CXCL13: variants seen among roughly 807,000 people sequenced by gnomAD.
CXCL13 encodes the protein C-X-C motif chemokine ligand 13.
In CXCL13, 7 loss-of-function variants were observed where a neutral mutation model predicts 12.2. The ratio of observed to expected loss-of-function variants is 0.57; its 90% CI spans 0.33 to 1.07. The LOEUF (loss-of-function observed/expected upper bound fraction) is 1.07, where lower values mean the gene tolerates loss of function less well. CXCL13 is among the 50% of genes least tolerant of loss of function. The probability of loss-of-function intolerance (pLI) is 0.04; values close to 1 mark genes in which losing one functional copy is unlikely to be tolerated. For synonymous variants in CXCL13, 47 were observed against 42.4 expected, an observed-to-expected ratio of 1.11 and a Z score of -0.42; for missense variants, 113 against 127.4, an observed-to-expected ratio of 0.89 and a Z score of 0.55.
intron 1 of CXCL13, among the ~76,000 whole-genome samples, chr4:77,547,476 C>T (rs1422737896): frequency 6.6e-6 from 1 of 152,162 alleles, no homozygotes; most frequent in East Asian, 1.9e-4. Flanking sequence ...GGTCCCTTTA[C>T]CATTATGTAA....
intron 1 of CXCL13, among the ~76,000 whole-genome samples, chr4:77,531,324 T>G (rs1210505728): frequency 7.4e-6 from 1 of 134,806 alleles, no homozygotes; most frequent in African/African-American, 2.8e-5. Flanking sequence ...CCTTCCTGTG[T>G]CCATGTGTTC....
chr4:77,556,898 AT>A (rs1725672060), intron 1 of CXCL13, among the ~76,000 whole-genome samples: 2 of 152,100 alleles, frequency 1.3e-5, no homozygotes, highest in African/African-American at 4.8e-5. Context: ...ACACACCTGT[AT>A]TCCCAGCCAC....
rs183981814 is a variant in CXCL13 at position 77,542,178 on chromosome 4, T to A, written c.-43+30390T>A. 9.7e-4 allele frequency among the ~76,000 whole-genome samples: 147 copies of A among 152,264 alleles called. 3 individuals are homozygous for A. In the South Asian group the frequency reaches 0.029, roughly 30 times the overall value. ...GAAGACAGATAGTTTGACTTCTTCT[T>A]TTCCTGTTTAGATGGCTTACATTTT... On this transcript the variant is annotated intron_variant, in intron 1 of 4. Transcript: ENST00000286758.
intron 1 of CXCL13, among the ~76,000 whole-genome samples, chr4:77,512,906 C>G (rs1047406848): frequency 3.3e-5 from 5 of 152,100 alleles, no homozygotes; most frequent in Non-Finnish European, 7.4e-5. Flanking sequence ...TTAGGTATTT[C>G]TCCTAATGCT....
intron 1 of CXCL13, among the ~76,000 whole-genome samples, chr4:77,561,688 T>C (rs980132610): frequency 2.0e-5 from 3 of 152,200 alleles, no homozygotes; most frequent in Admixed American, 6.5e-5. Flanking sequence ...GGACTGGTCC[T>C]TGCCTCCCCT....
At chr4:77,531,070 T>C (rs1560516806) in intron 1 of CXCL13, among the ~76,000 whole-genome samples, 1 of 150,584 alleles carries the variant, frequency 6.6e-6, no homozygotes, top group Non-Finnish European at 1.5e-5. Context: ...TCAGTTTCCA[T>C]GTATTTGAGT....
In CXCL13 at chr4:77,554,098, C is replaced by T. The variant is rs577745617; in HGVS notation, c.-43+42310C>T. On this transcript the variant is annotated intron_variant, in intron 1 of 4. Transcript: ENST00000286758. The stretch of plus-strand genomic sequence containing the variant: ...AATAAAATTTATTTTTTTAAAGAAA[C>T]CAACCAGAACAGTTCCCCAGATTTA... 2.6e-4 allele frequency among the ~76,000 whole-genome samples: 40 copies of T among 152,068 alleles called. No homozygotes were observed. In the South Asian group the frequency reaches 2.9e-3, roughly 11 times the overall value.
chr4:77,584,057 G>T (rs909753419), intron 1 of CXCL13, among the ~76,000 whole-genome samples: 1 of 152,202 alleles, frequency 6.6e-6, no homozygotes, highest in Non-Finnish European at 1.5e-5. Context: ...TCTCAAAAAT[G>T]AAGGGGCAAC....
chr4:77,532,558 C>G (rs913762975), intron 1 of CXCL13, among the ~76,000 whole-genome samples: 2 of 152,050 alleles, frequency 1.3e-5, no homozygotes, highest in African/African-American at 4.8e-5. Flanking sequence ...ATCTTTGTGG[C>G]GTTCTCCGTA....
At chr4:77,552,702 T>C (rs1198752653) in intron 1 of CXCL13, among the ~76,000 whole-genome samples, 3 of 152,326 alleles carry the variant, frequency 2.0e-5, no homozygotes, top group Non-Finnish European at 2.9e-5. Flanking sequence ...CTCAGAGATA[T>C]GCCTAGGCAT....
At chr4:77,526,062 G>A (rs1004614854) in intron 1 of CXCL13, among the ~76,000 whole-genome samples, 1 of 151,974 alleles carries the variant, frequency 6.6e-6, no homozygotes, top group Non-Finnish European at 1.5e-5. Context: ...GGTTTCTAGA[G>A]GTATCACTGT....
intron 1 of CXCL13, among the ~76,000 whole-genome samples, chr4:77,517,967 A>C (rs760491195): frequency 6.6e-6 from 1 of 152,132 alleles, no homozygotes; most frequent in Non-Finnish European, 1.5e-5. Context: ...TTCCACGTTT[A>C]GTGCTTCCTT....
intron 1 of CXCL13, among the ~76,000 whole-genome samples, chr4:77,570,966 G>A (rs1726061321): frequency 6.6e-6 from 1 of 152,022 alleles, no homozygotes; most frequent in African/African-American, 2.4e-5. Context: ...GGGTTCCTGT[G>A]CAGCCCGAGA....
intron 1 of CXCL13, among the ~76,000 whole-genome samples, chr4:77,558,708 G>A (rs1475231177): frequency 2.6e-5 from 4 of 152,120 alleles, no homozygotes; most frequent in Non-Finnish European, 4.4e-5. Flanking sequence ...GATATGGGGG[G>A]CATCAACTGC....
chr4:77,585,431 G>A lies in CXCL13; in HGVS notation c.-42-20393G>A, dbSNP rs1179543156. ...TTGGCTGCCATTTACTGTCCAGAAA[G>A]CTGCACTACTGATTCCTAAACGTCC... On this transcript the variant is annotated intron_variant, in intron 1 of 4. Coordinates refer to the CXCL13 transcript ENST00000286758. 2.6e-5 allele frequency among the ~76,000 whole-genome samples: 4 copies of A among 152,210 alleles called. 1 individual carries two copies. The highest frequency in any genetic ancestry group is 2.6e-4 in the Admixed American group (4 of 15,276).
chr4:77,529,944 C>T (rs1020173536), intron 1 of CXCL13, among the ~76,000 whole-genome samples: 12 of 152,282 alleles, frequency 7.9e-5, no homozygotes, highest in Middle Eastern at 3.4e-3. Context: ...TTTTGAGATA[C>T]GCTCCATCAA....
At chr4:77,520,843 G>A (rs1560513555) in intron 1 of CXCL13, among the ~76,000 whole-genome samples, 1 of 152,128 alleles carries the variant, frequency 6.6e-6, no homozygotes, top group African/African-American at 2.4e-5. Flanking sequence ...TATGATATTG[G>A]TTGTGAGTTT....
Position 77,610,649 on chromosome 4 carries a change from A to G in CXCL13, c.233A>G (p.Asp78Gly). 1 of 1,613,584 alleles carries G rather than the reference A, an allele frequency of 6.2e-7. No individual in the cohort carries two copies. The change falls in exon 3 of 4, where the codon GAC (aspartate) becomes GGC (glycine). Residue 78 changes from aspartate to glycine, a missense_variant. Coordinates refer to ENST00000682537, the MANE Select transcript of CXCL13 (RefSeq NM_001371558.1). ...AAGAACAAGTCAATTGTGTGTGTGG[A>G]CCCTCAAGCTGAATGGATACAAAGA... ...WKKNKSIVCVDPQAEWIQRMM... is the reference protein window; with the variant it reads ...WKKNKSIVCVGPQAEWIQRMM...
At chr4:77,576,599 C>T (rs1726205350) in intron 1 of CXCL13, among the ~76,000 whole-genome samples, 1 of 152,070 alleles carries the variant, frequency 6.6e-6, no homozygotes, top group South Asian at 2.1e-4. Context: ...TCTGACAGGT[C>T]CAGGAGCTCC....
Sources: gnomAD v4.1 joint callset for allele counts (sites outside exome capture counted in the v4.1 genomes callset) on GRCh38, gnomAD v4.1.1 for gene constraint, MANE v1.5 for transcripts, NCBI Gene and HGNC (gene_info 2026-07-23, HGNC 2026-07-21) for gene names.